The following PCDH17 variants were observed in gnomAD, a reference collection of about 807,000 sequenced individuals.
The protein encoded by PCDH17 is protocadherin 17, also known as protocadherin-17.
PCDH17 carries 21 observed loss-of-function variants against 67.7 expected under a neutral mutation model. That is an observed-to-expected ratio of 0.31 (90% confidence interval 0.22 to 0.45). The LOEUF is 0.45. Among genes scored for constraint, PCDH17 ranks in the 20% least tolerant of loss-of-function variants. The pLI is 1.00. For missense variants in PCDH17, 1,471 were observed against 1,564.8 expected, an observed-to-expected ratio of 0.94 and a Z score of 1.01; for synonymous variants, 701 against 656.7, an observed-to-expected ratio of 1.07 and a Z score of -1.03.
intron 1 of PCDH17, among the ~76,000 whole-genome samples, chr13:57,644,677 G>A (rs974632303): frequency 6.6e-6 from 1 of 151,462 alleles, no homozygotes; most frequent in African/African-American, 2.4e-5. Context: ...GTTTGGTGTC[G>A]CCTGCTTATT....
rs1320589035 is a variant in PCDH17 at position 57,725,028 on chromosome 13, T to C, written c.3214T>C (p.Leu1072=). 1.9e-6 allele frequency: 3 copies of C among 1,614,186 alleles called. No homozygotes were observed. The highest frequency in any genetic ancestry group is 1.3e-5 in the African/African-American group (1 of 75,062). ...CCTGGCTGAAGCAAGCAGTCAGTACTTGCCCACTGACAGTCAATATCTGTC... is the reference window on the plus strand; with the variant it reads ...CCTGGCTGAAGCAAGCAGTCAGTACCTGCCCACTGACAGTCAATATCTGTC... The part of the protein sequence containing the change: ...GALAEASSQY[L]PTDSQYLSPS... The change falls in exon 4 of 4, where the codon TTG becomes CTG. Residue 1072 remains leucine (L), a synonymous_variant. Transcript: ENST00000377918.
intron 3 of PCDH17, among the ~76,000 whole-genome samples, chr13:57,681,211 A>T (rs1955447022): frequency 6.6e-6 from 1 of 151,624 alleles, no homozygotes; most frequent in Non-Finnish European, 1.5e-5. Context: ...TTCCACTCTC[A>T]TCCCTTTTAC....
intron 3 of PCDH17, among the ~76,000 whole-genome samples, chr13:57,717,724 C>A (rs1955832749): frequency 6.6e-6 from 1 of 151,998 alleles, no homozygotes; most frequent in Admixed American, 6.6e-5. Flanking sequence ...AGTATTATAA[C>A]AACTTCCTTT....
chr13:57,725,367 T>TAACCC lies in PCDH17; in HGVS notation c.*75_*79dup. 1 of 1,345,034 alleles carries TAACCC rather than the reference T, an allele frequency of 7.4e-7. No individual in the cohort carries two copies. Among genetic ancestry groups the TAACCC allele is most frequent in the East Asian group, 2.3e-5 (1 of 43,296 alleles). 83.3% of individuals were successfully genotyped at this position (1,345,034 alleles called of 1,614,324 possible). On this transcript the variant is annotated 3_prime_UTR_variant, in exon 4 of 4. Transcript: ENST00000377918. ...ATTTAAAAATGATCCCTCCTGGTGA[T>TAACCC]AACCCATTTTACAGGGATGAAGAAA...
chr13:57,683,831 A>G (rs1955480977), intron 3 of PCDH17, among the ~76,000 whole-genome samples: 1 of 151,946 alleles, frequency 6.6e-6, no homozygotes, highest in African/African-American at 2.4e-5. Context: ...AGCCATATAT[A>G]TGCACTGATT....
At chr13:57,712,434 T>A (rs1566245337) in intron 3 of PCDH17, among the ~76,000 whole-genome samples, 1 of 151,746 alleles carries the variant, frequency 6.6e-6, no homozygotes, top group Non-Finnish European at 1.5e-5. Context: ...GCTATTTTCC[T>A]AAGCATTATA....
At position 57,633,101 on chromosome 13, in the gene PCDH17, C is replaced by A. The variant is rs772918389; in HGVS notation, c.555C>A (p.Ser185=). Residue 185 remains serine (S), a synonymous_variant, in exon 1 of 4, where the codon TCC becomes TCA. Coordinates refer to ENST00000377918, the MANE Select transcript of PCDH17 (RefSeq NM_001040429.3). The surrounding 1 kb of genome is among the most constrained non-coding windows in gnomAD (Gnocchi z 6.2). ...DHGLFGLDVK[S]RGDGTKFPEL... ...GCCTCTTTGGACTGGACGTTAAGTCCCGCGGCGACGGCACCAAGTTCCCAG... is the reference window on the plus strand; with the variant it reads ...GCCTCTTTGGACTGGACGTTAAGTCACGCGGCGACGGCACCAAGTTCCCAG... The A allele has an allele frequency of 1.2e-5, 20 of 1,613,346 alleles. No homozygotes were observed. Among genetic ancestry groups the A allele is most frequent in the Non-Finnish European group, 1.4e-5 (17 of 1,179,968 alleles).
chr13:57,679,323 A>G (rs1955425249), intron 3 of PCDH17, among the ~76,000 whole-genome samples: 1 of 149,930 alleles, frequency 6.7e-6, no homozygotes, highest in Non-Finnish European at 1.5e-5. Context: ...ATGAAATCAT[A>G]ATAGAATTGT....
intron 3 of PCDH17, among the ~76,000 whole-genome samples, chr13:57,679,072 A>G (rs1955422623): frequency 6.6e-6 from 1 of 151,546 alleles, no homozygotes; most frequent in Admixed American, 6.6e-5. Flanking sequence ...AACTAATAAT[A>G]TAAGTAACCT....
Position 57,634,214 on chromosome 13 carries a change from C to T in PCDH17, c.1668C>T (p.Asp556=), listed in dbSNP as rs1241099274. The T allele has an allele frequency of 6.2e-7, 1 of 1,613,398 alleles. No homozygotes were observed. Among genetic ancestry groups the T allele is most frequent in the Non-Finnish European group, 8.5e-7 (1 of 1,180,024 alleles). Residue 556 remains aspartate, a synonymous_variant, in exon 1 of 4, where the codon GAC becomes GAT. Coordinates refer to ENST00000377918, the MANE Select transcript of PCDH17 (RefSeq NM_001040429.3). This position sits in a 1 kb window ranked among gnomAD's most constrained non-coding sequence, Gnocchi z 7.8. ...TTGAGTTCAAGGTGCTTGCTAAGGACTCGGGGGCGCCCGCGCACTTGGAGA... is the reference window on the plus strand; with the variant it reads ...TTGAGTTCAAGGTGCTTGCTAAGGATTCGGGGGCGCCCGCGCACTTGGAGA... ...KAFEFKVLAK[D]SGAPAHLESN... is the part of the protein sequence containing the mutation.
chr13:57,686,975 A>G (rs1955513611), intron 3 of PCDH17, among the ~76,000 whole-genome samples: 1 of 152,028 alleles, frequency 6.6e-6, no homozygotes, highest in Non-Finnish European at 1.5e-5. Context: ...TCTTAAGAAC[A>G]TAGTGAGCCC....
Position 57,727,514 on chromosome 13 carries a change from G to C in PCDH17, c.*2220G>C, listed in dbSNP as rs1203123922. ...TGTACCTCGTTTGCAAAACTGCTTT[G>C]AGAGGGAAGAGTGGACAACTCCCAT... On this transcript the variant is annotated 3_prime_UTR_variant, in exon 4 of 4. Transcript: ENST00000377918. 2 of 152,078 alleles carry C rather than the reference G, an allele frequency of 1.3e-5. No individual in the cohort carries two copies. Among genetic ancestry groups the C allele is most frequent in the Non-Finnish European group, 2.9e-5 (2 of 67,984 alleles). 9.4% of individuals were successfully genotyped at this position (152,078 alleles called of 1,614,324 possible).
chr13:57,643,495 A>G (rs1954928364), intron 1 of PCDH17, among the ~76,000 whole-genome samples: 1 of 151,586 alleles, frequency 6.6e-6, no homozygotes, highest in South Asian at 2.1e-4. Context: ...AAAACACAAT[A>G]TCATCTAAAT....
intron 3 of PCDH17, among the ~76,000 whole-genome samples, chr13:57,684,856 T>C (rs1955491496): frequency 6.6e-6 from 1 of 152,014 alleles, no homozygotes; most frequent in Non-Finnish European, 1.5e-5. Flanking sequence ...ATATGCTTGA[T>C]ACATGTATTA....
chr13:57,646,395 G>T (rs1165958728), intron 1 of PCDH17, among the ~76,000 whole-genome samples: 7 of 151,536 alleles, frequency 4.6e-5, no homozygotes, highest in Non-Finnish European at 8.9e-5. Flanking sequence ...TAATTGAAAT[G>T]GTTTACTGGT....
At chr13:57,717,682 A>G (rs1354068820) in intron 3 of PCDH17, among the ~76,000 whole-genome samples, 1 of 152,014 alleles carries the variant, frequency 6.6e-6, no homozygotes, top group Non-Finnish European at 1.5e-5. Flanking sequence ...GAGGATTGGT[A>G]CTTCAAAGCT....
intron 3 of PCDH17, among the ~76,000 whole-genome samples, chr13:57,711,514 A>G (rs1955775993): frequency 6.6e-6 from 1 of 151,744 alleles, no homozygotes; most frequent in South Asian, 2.1e-4. Context: ...CTATATGTAC[A>G]TTTGCTTTTT....
chr13:57,708,380 A>G (rs1276346510), intron 3 of PCDH17, among the ~76,000 whole-genome samples: 1 of 152,002 alleles, frequency 6.6e-6, no homozygotes, highest in African/African-American at 2.4e-5. Context: ...GGCAAGAACT[A>G]GTGCTTTTTC....
chr13:57,669,214 T>G (rs933283549), intron 3 of PCDH17, among the ~76,000 whole-genome samples: 1 of 152,270 alleles, frequency 6.6e-6, no homozygotes, highest in African/African-American at 2.4e-5. Context: ...TTGATTTGAT[T>G]TATTCATTCA....
Sources: allele counts gnomAD v4.1 joint callset (sites outside exome capture counted in the v4.1 genomes callset), GRCh38; gene constraint gnomAD v4.1.1; non-coding constraint Gnocchi (gnomAD v3.1); transcripts MANE v1.5; gene names NCBI Gene and HGNC (gene_info 2026-07-23, HGNC 2026-07-21).